ITIH3: variants seen among roughly 807,000 people sequenced by gnomAD.
The protein encoded by ITIH3 is inter-alpha-trypsin inhibitor heavy chain 3.
ITIH3 carries 81 observed loss-of-function variants against 96.5 expected under a neutral mutation model. The observed-to-expected ratio is 0.84, with a 90% CI of 0.70 to 1.01. The LOEUF (loss-of-function observed/expected upper bound fraction) is 1.01, where lower values mean the gene tolerates loss of function less well. ITIH3 is among the 50% of genes least tolerant of loss of function. The pLI, the probability that ITIH3 is intolerant of heterozygous loss-of-function variation, is 0.00. For synonymous variants in ITIH3, 422 were observed against 445.2 expected (o/e 0.95, Z 0.66); for missense variants, 1,057 against 1,139.3 (o/e 0.93, Z 1.04).
intron 5 of ITIH3, 38 bp downstream of exon 5, chr3:52,797,305 C>G: frequency 6.4e-7 from 1 of 1,569,742 alleles, no homozygotes; most frequent in South Asian, 1.2e-5. Context: ...GGGACGGCAG[C>G]GGGGTGCAGG....
chr3:52,803,745 A>T (rs1699933867), intron 13 of ITIH3, 110 bp from the exon 14 acceptor site: 9 of 1,249,480 alleles, frequency 7.2e-6, no homozygotes, highest in Non-Finnish European at 9.0e-6. Flanking sequence ...GGGACCCCAC[A>T]ATGGGGAAGG....
chr3:52,803,292 TTA>T lies in ITIH3; in HGVS notation c.1709+488_1709+489del, dbSNP rs1699905048. On this transcript the variant is annotated intron_variant, in intron 13 of 21. Coordinates refer to ENST00000449956, the MANE Select transcript of ITIH3 (RefSeq NM_002217.4). ...TTTATTTATTTATTTATTTATTTAT[TTA>T]TTTATTTATTTATTTTATTTTATTA... Among the ~76,000 whole-genome samples the T allele has an allele frequency of 1.4e-4, 20 of 142,052 alleles. 1 individual carries two copies. The South Asian group carries it at 4.6e-3, about 33-fold the overall frequency. 93.2% of individuals were successfully genotyped at this position (142,052 alleles called of 152,430 possible). A position where few individuals can be genotyped will look rare whatever the true frequency, so the allele number is the denominator to read the frequency against.
chr3:52,794,948 G>A (rs923836220), intron 1 of ITIH3, 52 bp downstream of exon 1: 75 of 1,432,992 alleles, frequency 5.2e-5, no homozygotes, highest in Non-Finnish European at 6.9e-5. Context: ...ATGGGCAGAA[G>A]GCATCATGCT....
chr3:52,806,257 C>T (rs1279871063), intron 17 of ITIH3, 36 bp from the exon 18 acceptor site: 1 of 1,601,092 alleles, frequency 6.2e-7, no homozygotes, highest in African/African-American at 1.3e-5. Flanking sequence ...TGATGAGAGG[C>T]CCCGGGAGTC....
intron 5 of ITIH3, among the ~76,000 whole-genome samples, 182 bp downstream of exon 5, chr3:52,797,449 G>A (rs1559470359): frequency 6.6e-6 from 1 of 152,254 alleles, no homozygotes; most frequent in Non-Finnish European, 1.5e-5. Context: ...AAGGGGAAGA[G>A]GCTGGGATGG....
At position 52,799,751 on chromosome 3, in the gene ITIH3, A is replaced by T; in HGVS notation, c.907-2A>T. 6.2e-7 allele frequency: 1 copy of T among 1,609,702 alleles called. No individual in the cohort carries two copies. The highest frequency in any genetic ancestry group is 1.1e-5 in the South Asian group (1 of 90,366). ...TCTCCCAGCTCTTTGTCTCTCCTCC[A>T]GACAAAGGAGGCCCTTCTCAGAATC... On this transcript the variant is annotated splice_acceptor_variant, in intron 8 of 21. Coordinates refer to ENST00000449956, the MANE Select transcript of ITIH3 (RefSeq NM_002217.4). LOFTEE classifies it high-confidence loss of function.
chr3:52,800,052 G>A, intron 9 of ITIH3, 131 bp downstream of exon 9: 1 of 797,760 alleles, frequency 1.3e-6, no homozygotes, highest in Non-Finnish European at 2.0e-6. Context: ...GTAGAGGTGG[G>A]AGTGGATGGT....
chr3:52,795,914 C>T (rs1172242719), intron 2 of ITIH3: 1 of 434,920 alleles, frequency 2.3e-6, no homozygotes, highest in East Asian at 4.0e-5. Context: ...TGAAGCGGTC[C>T]CTGCCACACC....
chr3:52,799,837 A>G lies in ITIH3; in HGVS notation c.991A>G (p.Thr331Ala). The G allele has an allele frequency of 6.2e-7, 1 of 1,613,910 alleles. No homozygotes were observed. Residue 331 changes from threonine (T) to alanine (A), a missense_variant, in exon 9 of 22, where the codon ACA becomes GCA. Transcript: ENST00000449956. Reference sequence around the variant, plus strand: ...CATCCTGTTCAGTGGAGATGTGTCCACATGGAAAGAGCACTTAGTCCAGGC... The same window carrying G: ...CATCCTGTTCAGTGGAGATGTGTCCGCATGGAAAGAGCACTTAGTCCAGGC... ...NFILFSGDVS[T>A]WKEHLVQATP...
chr3:52,797,001 G>C, intron 4 of ITIH3, 104 bp from the exon 5 acceptor site: 1 of 1,389,822 alleles, frequency 7.2e-7, no homozygotes, highest in South Asian at 1.4e-5. Context: ...GGCTCAGAAT[G>C]GTTAGGGATC....
At chr3:52,799,722 G>T in intron 8 of ITIH3, 31 bp from the exon 9 acceptor site, 1 of 1,588,056 alleles carries the variant, frequency 6.3e-7, no homozygotes, top group South Asian at 1.1e-5. Flanking sequence ...TCTCTGCTGC[G>T]GCTTCTCCCA....
rs563663572 is a variant in ITIH3 at position 52,808,612 on chromosome 3, C to T, written c.2604C>T (p.Phe868=). The T allele has an allele frequency of 6.2e-6, 10 of 1,614,000 alleles. No individual in the cohort carries two copies. In the Admixed American group the frequency reaches 6.7e-5, roughly 11 times the overall value. ...ASIGTKVVCW[F]VHNNGEGLID... is the part of the protein sequence containing the mutation. Reference sequence around the variant, plus strand: ...TCGGCACGAAGGTTGTCTGCTGGTTCGTCCACAACAACGGAGAAGGGCTGA... The same window carrying T: ...TCGGCACGAAGGTTGTCTGCTGGTTTGTCCACAACAACGGAGAAGGGCTGA... Residue 868 remains phenylalanine (F), a synonymous_variant, in exon 22 of 22, where the codon TTC becomes TTT. Coordinates refer to ENST00000449956, the MANE Select transcript of ITIH3 (RefSeq NM_002217.4).
Position 52,802,516 on chromosome 3 carries a change from T to C in ITIH3, c.1566T>C (p.His522=). Residue 522 remains histidine, a synonymous_variant, in exon 12 of 22, where the codon CAT becomes CAC. Coordinates refer to ENST00000449956, the MANE Select transcript of ITIH3 (RefSeq NM_002217.4). ...MNSFKADVKG[H]GATNDLTFTE... Reference sequence around the variant, plus strand: ...GCTTTAAGGCAGATGTGAAGGGCCATGGGGTGAGTGGGGACAGGGCCTGGA... The same window carrying C: ...GCTTTAAGGCAGATGTGAAGGGCCACGGGGTGAGTGGGGACAGGGCCTGGA... 1 of 1,613,682 alleles carries C rather than the reference T, an allele frequency of 6.2e-7. No individual in the cohort carries two copies. Among genetic ancestry groups the C allele is most frequent in the Non-Finnish European group, 8.5e-7 (1 of 1,179,824 alleles).
rs779224896 is a variant in ITIH3 at position 52,799,002 on chromosome 3, C to G, written c.700C>G (p.Arg234Gly). Reference sequence around the variant, plus strand: ...CTTCAAGCCCAGCTTAGACCAACAGCGTTCATGCCCAACCTGTACAGACTC... The same window carrying G: ...CTTCAAGCCCAGCTTAGACCAACAGGGTTCATGCCCAACCTGTACAGACTC... ...VSFKPSLDQQ[R>G]SCPTCTDSLL... The change falls in exon 7 of 22, where the codon CGT (arginine) becomes GGT (glycine). Residue 234 changes from arginine (R) to glycine (G), a missense_variant. Arg to Gly is a moderately radical substitution (Grantham distance 125, BLOSUM62 -2). Transcript: ENST00000449956. The G allele has an allele frequency of 3.1e-6, 5 of 1,613,466 alleles. No individual in the cohort carries two copies. The highest frequency in any genetic ancestry group is 1.6e-4 in the Middle Eastern group (1 of 6,084).
At chr3:52,802,174 G>A in intron 11 of ITIH3, 160 bp from the exon 12 acceptor site, 1 of 656,822 alleles carries the variant, frequency 1.5e-6, no homozygotes, top group South Asian at 2.2e-5. Flanking sequence ...GGAGTTGCCG[G>A]GGGGAGGCCC....
chr3:52,805,201 TCA>T, intron 15 of ITIH3: 1 of 682,958 alleles, frequency 1.5e-6, no homozygotes, highest in South Asian at 5.7e-5. Flanking sequence ...TTGCTGGGGA[TCA>T]CAGTCCTCTG....
At position 52,806,035 on chromosome 3, in the gene ITIH3, A is replaced by T. The variant is rs1456499996; in HGVS notation, c.1907-68A>T. On this transcript the variant is annotated intron_variant, in intron 16 of 21. Coordinates refer to ENST00000449956, the MANE Select transcript of ITIH3 (RefSeq NM_002217.4). ...GGGGAGGGGCATAAGCTGAACTCCT[A>T]TGGGGGTCGTCGGGCGCCTCCCAGG... is the stretch of plus-strand genomic sequence containing the variant. 1.9e-6 allele frequency: 3 copies of T among 1,548,004 alleles called. No individual in the cohort carries two copies. In the Admixed American group the frequency reaches 5.7e-5, roughly 29 times the overall value.
rs768307056 is a variant in ITIH3 at position 52,797,121 on chromosome 3, T to C, written c.403T>C (p.Leu135=). Residue 135 remains leucine, a synonymous_variant, in exon 5 of 22, where the codon TTG becomes CTG. Transcript: ENST00000449956. The part of the protein sequence containing the change: ...AGLVKASGRK[L]EKFTVSVNVA... ...CCTGGTCAGGGCCTCTGGGAGGAAG[T>C]TGGAGAAGTTCACAGTCTCGGTCAA... 8 of 1,609,372 alleles carry C rather than the reference T, an allele frequency of 5.0e-6. No individual in the cohort carries two copies. The highest frequency in any genetic ancestry group is 6.8e-6 in the Non-Finnish European group (8 of 1,178,350).
At chr3:52,804,144 A>G in intron 14 of ITIH3, 135 bp downstream of exon 14, 1 of 909,400 alleles carries the variant, frequency 1.1e-6, no homozygotes, top group South Asian at 1.7e-5. Flanking sequence ...AAAACTGGCC[A>G]CGGGATGGGG....
Sources: allele counts gnomAD v4.1 joint callset (sites outside exome capture counted in the v4.1 genomes callset), GRCh38; gene constraint gnomAD v4.1.1; transcripts MANE v1.5; gene names NCBI Gene and HGNC (gene_info 2026-07-23, HGNC 2026-07-21).